The following NRG3 variants were observed in gnomAD, a reference collection of about 807,000 sequenced individuals.
The protein encoded by NRG3 is pro-neuregulin-3, membrane-bound isoform.
NRG3 carries 31 observed loss-of-function variants against 66.9 expected under a neutral mutation model. That is an observed-to-expected ratio of 0.46 (90% CI 0.35 to 0.63). The LOEUF is 0.63. Ranked by LOEUF, NRG3 falls within the 20% of genes least tolerant of loss-of-function variation. The pLI, the probability that NRG3 is intolerant of heterozygous loss-of-function variation, is 0.00. For missense variants in NRG3, 910 were observed against 878.9 expected (o/e 1.04, Z -0.45); for synonymous variants, 393 against 359.4 (o/e 1.09, Z -1.06).
At chr10:81,952,180 A>C (rs1016544875) in intron 1 of NRG3, among the ~76,000 whole-genome samples, 1 of 152,206 alleles carries the variant, frequency 6.6e-6, no homozygotes, top group Non-Finnish European at 1.5e-5. Flanking sequence ...AACGTGGCAC[A>C]TGTATGCATA....
chr10:82,543,660 C>A (rs1016535878), intron 2 of NRG3, among the ~76,000 whole-genome samples: 2 of 152,114 alleles, frequency 1.3e-5, no homozygotes, highest in East Asian at 1.9e-4. Flanking sequence ...ATCTATATTA[C>A]CTTATTTACA....
intron 2 of NRG3, among the ~76,000 whole-genome samples, chr10:82,705,989 T>G (rs2056260374): frequency 6.6e-6 from 1 of 152,182 alleles, no homozygotes; most frequent in Non-Finnish European, 1.5e-5. Context: ...AGGTTTATAT[T>G]TAGAATTTTG....
rs79846031 is a variant in NRG3, at chr10:82,098,186, C to A, written c.823+222023C>A. The stretch of plus-strand genomic sequence containing the variant: ...ATATGTCATATATATATATAAAGCT[C>A]TTATGCACATTAGCATACTGGCTTT... On this transcript the variant is annotated intron_variant, in intron 1 of 8. Coordinates refer to ENST00000372141, the MANE Select transcript of NRG3 (RefSeq NM_001010848.4). Among the ~76,000 whole-genome samples, 1,150 of 151,514 alleles carry A rather than the reference C, an allele frequency of 7.6e-3. 18 individuals are homozygous for A. The highest frequency in any genetic ancestry group is 0.026 in the African/African-American group (1,082 of 41,284).
At chr10:82,260,745 G>A (rs2077981352) in intron 1 of NRG3, among the ~76,000 whole-genome samples, 1 of 152,084 alleles carries the variant, frequency 6.6e-6, no homozygotes, top group African/African-American at 2.4e-5. Context: ...GCTGAGCTGG[G>A]GAAACATGAC....
At chr10:82,230,428 A>G (rs936303906) in intron 1 of NRG3, 13 of 152,190 alleles carry the variant, frequency 8.5e-5, no homozygotes, top group African/African-American at 2.9e-4. Flanking sequence ...AACATTCCAC[A>G]TTAGGAAAAG....
At chr10:82,417,263 T>G (rs1272561254) in intron 2 of NRG3, among the ~76,000 whole-genome samples, 2 of 152,152 alleles carry the variant, frequency 1.3e-5, no homozygotes, top group Non-Finnish European at 2.9e-5. Flanking sequence ...TGAACATGGT[T>G]CAATAAGAGA....
intron 1 of NRG3, among the ~76,000 whole-genome samples, chr10:81,885,654 T>C (rs1390786081): frequency 6.6e-6 from 1 of 152,152 alleles, no homozygotes; most frequent in Non-Finnish European, 1.5e-5. Flanking sequence ...AAAATGGAAA[T>C]AGATCAAGTT....
At chr10:82,248,820 A>G (rs2134074995) in intron 1 of NRG3, among the ~76,000 whole-genome samples, 1 of 152,320 alleles carries the variant, frequency 6.6e-6, no homozygotes, top group Non-Finnish European at 1.5e-5. Flanking sequence ...AAGCTGTTTC[A>G]TATTCATATT....
intron 2 of NRG3, among the ~76,000 whole-genome samples, chr10:82,595,996 G>C (rs1319713465): frequency 6.6e-6 from 1 of 152,156 alleles, no homozygotes; most frequent in Non-Finnish European, 1.5e-5. Context: ...TTCTGGCATA[G>C]AAGGAAATGA....
chr10:82,711,339 T>G (rs2056653169), intron 2 of NRG3, among the ~76,000 whole-genome samples: 1 of 152,076 alleles, frequency 6.6e-6, no homozygotes, highest in Non-Finnish European at 1.5e-5. Flanking sequence ...CTCTCACCTT[T>G]GCCTCCTAAA....
At chr10:82,347,864 G>A (rs1254662135) in intron 1 of NRG3, among the ~76,000 whole-genome samples, 1 of 151,852 alleles carries the variant, frequency 6.6e-6, no homozygotes, top group Non-Finnish European at 1.5e-5. Flanking sequence ...TTTAAAGTCT[G>A]TTTTATCAGA....
chr10:82,419,310 CAG>C (rs374293525), intron 2 of NRG3, among the ~76,000 whole-genome samples: 52 of 152,132 alleles, frequency 3.4e-4, no homozygotes, highest in African/African-American at 1.2e-3. Context: ...AATTGAAAGG[CAG>C]AGTTTAAACA....
intron 2 of NRG3, among the ~76,000 whole-genome samples, chr10:82,493,093 T>A (rs1271138936): frequency 6.6e-6 from 1 of 152,102 alleles, no homozygotes. Context: ...GATAAAACAC[T>A]TGATGTTCAG....
intron 1 of NRG3, among the ~76,000 whole-genome samples, chr10:82,162,064 A>G (rs983862184): frequency 6.6e-6 from 1 of 152,136 alleles, no homozygotes; most frequent in African/African-American, 2.4e-5. Context: ...GCAATGGAAA[A>G]TGAAACTTTG....
At chr10:82,915,696 G>A (rs1046086631) in intron 4 of NRG3, among the ~76,000 whole-genome samples, 1 of 152,238 alleles carries the variant, frequency 6.6e-6, no homozygotes, top group Non-Finnish European at 1.5e-5. Context: ...AGACCCATAT[G>A]TAAATGTGCT....
intron 1 of NRG3, among the ~76,000 whole-genome samples, chr10:82,313,707 G>A (rs969444823): frequency 2.9e-4 from 44 of 152,124 alleles, no homozygotes; most frequent in African/African-American, 1.1e-3. Flanking sequence ...CTATGTCAGG[G>A]CCAGCAGATA....
intron 2 of NRG3, among the ~76,000 whole-genome samples, chr10:82,418,462 A>G (rs2088787946): frequency 6.6e-6 from 1 of 152,198 alleles, no homozygotes; most frequent in Admixed American, 6.5e-5. Flanking sequence ...GCAAATGAAA[A>G]GAGGAGGTAA....
rs530448661 is a variant in NRG3 at position 82,343,168 on chromosome 10, A to G, written c.824-15571A>G. Among the ~76,000 whole-genome samples the G allele has an allele frequency of 4.7e-3, 708 of 152,248 alleles. 5 individuals are homozygous for G. Among genetic ancestry groups the G allele is most frequent in the Non-Finnish European group, 8.1e-3 (548 of 67,992 alleles). On this transcript the variant is annotated intron_variant, in intron 1 of 8. Coordinates refer to ENST00000372141, the MANE Select transcript of NRG3 (RefSeq NM_001010848.4). Reference sequence around the variant, plus strand: ...AATAAAAAAATAGACATATAGATAAATGGTACAGAATGGAGAACTGATAAA... The same window carrying G: ...AATAAAAAAATAGACATATAGATAAGTGGTACAGAATGGAGAACTGATAAA...
intron 1 of NRG3, among the ~76,000 whole-genome samples, chr10:82,029,213 T>TA (rs1295107081): frequency 2.6e-5 from 4 of 151,526 alleles, no homozygotes; most frequent in East Asian, 3.9e-4. Flanking sequence ...CATCTCAAAA[T>TA]AAAAAAAAGA....
Sources: allele counts gnomAD v4.1 joint callset (sites outside exome capture counted in the v4.1 genomes callset), GRCh38; gene constraint gnomAD v4.1.1; transcripts MANE v1.5; gene names NCBI Gene and HGNC (gene_info 2026-07-23, HGNC 2026-07-21).